The following APC variants were observed in gnomAD, a reference collection of about 807,000 sequenced individuals.
APC encodes the protein adenomatous polyposis coli protein.
Under a neutral mutation model 247.0 loss-of-function variants are expected in APC, and 72 were observed. That is an observed-to-expected ratio of 0.29 (90% CI 0.24 to 0.35). The LOEUF (loss-of-function observed/expected upper bound fraction) is 0.35, where lower values mean the gene tolerates loss of function less well. Ranked by LOEUF, APC falls within the 10% of genes least tolerant of loss-of-function variation. APC has a pLI of 1.00. For synonymous variants in APC, 1,254 were observed against 1,162.5 expected, an observed-to-expected ratio of 1.08 and a Z score of -1.60; for missense variants, 3,400 against 3,360.7, an observed-to-expected ratio of 1.01 and a Z score of -0.29.
In APC at chr5:112,819,146, A is replaced by T. The variant is rs201478136; in HGVS notation, c.1114A>T (p.Asn372Tyr). The stretch of plus-strand genomic sequence containing the variant: ...TGACAAAGACTCTGTATTGTTGGGA[A>T]ATTCCCGGGGCAGTAAAGAGGCTCG... The part of the protein sequence containing the change: ...GNDKDSVLLG[N>Y]SRGSKEARAR... The change falls in exon 10 of 16, where the codon AAT becomes TAT. Residue 372 changes from asparagine (N) to tyrosine (Y), a missense_variant. Asn to Tyr is a moderately radical substitution (Grantham distance 143). This residue lies in a region of APC where 199 missense variants were observed against 212.5 expected (regional missense o/e 0.94). Transcript: ENST00000257430. 6.2e-7 allele frequency: 1 copy of T among 1,614,084 alleles called. No individual in the cohort carries two copies. The highest frequency in any genetic ancestry group is 1.1e-5 in the South Asian group (1 of 91,080).
chr5:112,827,409 G>A (rs187567563), intron 12 of APC, among the ~76,000 whole-genome samples, 162 bp downstream of exon 12: 1 of 151,894 alleles, frequency 6.6e-6, no homozygotes, highest in East Asian at 1.9e-4. Flanking sequence ...TCATTTGTTT[G>A]TCTTATGCCT....
chr5:112,804,729 C>G (rs1297077109), intron 8 of APC, among the ~76,000 whole-genome samples: 1 of 152,098 alleles, frequency 6.6e-6, no homozygotes, highest in Admixed American at 6.6e-5. Context: ...CATGGTGGCT[C>G]ACACCTATAA....
At chr5:112,809,738 C>T (rs190276941) in intron 8 of APC, among the ~76,000 whole-genome samples, 6 of 152,220 alleles carry the variant, frequency 3.9e-5, no homozygotes, top group Non-Finnish European at 8.8e-5. Context: ...CGTGATGGCT[C>T]ACGCCTGTAA....
intron 8 of APC, among the ~76,000 whole-genome samples, chr5:112,808,724 T>G (rs559679808): frequency 6.6e-6 from 1 of 152,286 alleles, no homozygotes; most frequent in South Asian, 2.1e-4. Flanking sequence ...AATGTTTTTT[T>G]TATAGAGTGT....
intron 2 of APC, among the ~76,000 whole-genome samples, chr5:112,762,389 T>A (rs1249579900): frequency 1.3e-5 from 2 of 152,196 alleles, no homozygotes; most frequent in African/African-American, 4.8e-5. Flanking sequence ...TACAAGAATG[T>A]TCATAGTGAC....
At chr5:112,810,154 G>T (rs1561528051) in intron 8 of APC, 1 of 456,008 alleles carries the variant, frequency 2.2e-6, no homozygotes, top group African/African-American at 2.0e-5. Context: ...TTTGAATGCT[G>T]ATGGGAAGGA....
chr5:112,828,061 G>T (rs1021125143), intron 13 of APC, 55 bp downstream of exon 13: 1 of 1,419,674 alleles, frequency 7.0e-7, no homozygotes, highest in Non-Finnish European at 9.9e-7. Flanking sequence ...TTGAGGCAGG[G>T]TCTCACTCTG....
At chr5:112,788,379 T>C (rs1027151776) in intron 6 of APC, among the ~76,000 whole-genome samples, 3 of 152,184 alleles carry the variant, frequency 2.0e-5, no homozygotes, top group African/African-American at 4.8e-5. Context: ...CTTCATAATA[T>C]TTAGTCTTGG....
chr5:112,756,064 A>G (rs773460491), intron 2 of APC, among the ~76,000 whole-genome samples: 10 of 150,986 alleles, frequency 6.6e-5, no homozygotes, highest in Non-Finnish European at 1.3e-4. Context: ...TCTGTTCACT[A>G]CTCTTATTCC....
intron 1 of APC, among the ~76,000 whole-genome samples, chr5:112,711,335 A>C (rs1413299472): frequency 6.6e-6 from 1 of 152,122 alleles, no homozygotes; most frequent in African/African-American, 2.4e-5. Flanking sequence ...ACCATCCCCC[A>C]CCCAACTCCT....
chr5:112,798,150 A>C (rs116384299), intron 7 of APC, among the ~76,000 whole-genome samples: 1 of 152,250 alleles, frequency 6.6e-6, no homozygotes, highest in African/African-American at 2.4e-5. Context: ...GCATTTTTTC[A>C]TAATAGCCTC....
intron 1 of APC, among the ~76,000 whole-genome samples, chr5:112,708,168 AGGTG>A (rs1381670596): frequency 3.3e-5 from 5 of 152,176 alleles, no homozygotes; most frequent in African/African-American, 1.2e-4. Context: ...CATTCGCGTT[AGGTG>A]GGTGGGTCGT....
chr5:112,802,049 C>T (rs951009657), intron 8 of APC, among the ~76,000 whole-genome samples: 2 of 151,784 alleles, frequency 1.3e-5, no homozygotes, highest in Non-Finnish European at 2.9e-5. Flanking sequence ...GTTCTGTATT[C>T]TCCAAATTTT....
At chr5:112,817,867 G>A (rs1236156979) in intron 9 of APC, among the ~76,000 whole-genome samples, 1 of 152,170 alleles carries the variant, frequency 6.6e-6, no homozygotes, top group Non-Finnish European at 1.5e-5. Context: ...AAGAGGTGGA[G>A]CCAAAATTTG....
At chr5:112,754,736 T>G (rs1278091161) in intron 1 of APC, 137 bp from the exon 2 acceptor site, 10 of 749,606 alleles carry the variant, frequency 1.3e-5, no homozygotes, top group Non-Finnish European at 1.8e-5. Context: ...AATATTGTTT[T>G]GAGACCAAAA....
intron 6 of APC, among the ~76,000 whole-genome samples, chr5:112,788,691 C>A (rs1480226115): frequency 6.6e-6 from 1 of 152,110 alleles, no homozygotes; most frequent in African/African-American, 2.4e-5. Context: ...TCTTACATAT[C>A]ATTTAAAAAA....
rs1554087515 is a variant in APC, at chr5:112,842,132, AAGAT to A, written c.6542_6545del (p.Ile2181AsnfsTer17). The A allele has an allele frequency of 1.2e-6, 2 of 1,611,530 alleles. No homozygotes were observed. Among genetic ancestry groups the A allele is most frequent in the Non-Finnish European group, 1.7e-6 (2 of 1,178,564 alleles). On this transcript the variant is annotated frameshift_variant, in exon 16 of 16. Coordinates refer to ENST00000257430, the MANE Select transcript of APC (RefSeq NM_000038.6). LOFTEE classifies it high-confidence loss of function. ...GGAGAAAAGTACATTGGAAACTAAA[AAGAT>A]AGAATCTGAAAGTAAAGGAATCAAA...
intron 1 of APC, among the ~76,000 whole-genome samples, chr5:112,723,191 G>A (rs1485158839): frequency 6.6e-6 from 1 of 152,158 alleles, no homozygotes; most frequent in East Asian, 1.9e-4. Context: ...GAAGAGCCAG[G>A]AACTGGCTGG....
chr5:112,811,138 T>C (rs1405874870), intron 8 of APC, among the ~76,000 whole-genome samples: 2 of 152,168 alleles, frequency 1.3e-5, no homozygotes, highest in Non-Finnish European at 2.9e-5. Context: ...AAGCATTGAA[T>C]GTGGATGGTA....
Sources: gnomAD v4.1 joint callset for allele counts (sites outside exome capture counted in the v4.1 genomes callset) on GRCh38, gnomAD v4.1.1 for gene constraint, gnomAD v4.1.1 regional missense constraint, MANE v1.5 for transcripts, NCBI Gene and HGNC (gene_info 2026-07-23, HGNC 2026-07-21) for gene names.